Variants in EPS8 observed in about 807,000 individuals in gnomAD.
EPS8 encodes the protein EGFR pathway substrate 8, signaling adaptor.
Under a neutral mutation model 103.8 loss-of-function variants are expected in EPS8, and 42 were observed. That is an observed-to-expected ratio of 0.40 (90% CI 0.32 to 0.52). The LOEUF (loss-of-function observed/expected upper bound fraction) is 0.52. Among genes scored for constraint, EPS8 ranks in the 20% least tolerant of loss-of-function variants. EPS8 has a pLI of 0.40. For missense variants in EPS8, 969 were observed against 1,005.1 expected (o/e 0.96, Z 0.49); for synonymous variants, 344 against 344.6 (o/e 1.00, Z 0.02).
chr12:15,662,349 C>T, intron 8 of EPS8: 1 of 1,206,794 alleles, frequency 8.3e-7, no homozygotes, highest in Non-Finnish European at 1.0e-6. Context: ...GTAATATCAC[C>T]CCATTCTCTC....
Position 15,725,983 on chromosome 12 carries a change from A to G in EPS8, c.-21-43011T>C, listed in dbSNP as rs1946648625. Among the ~76,000 whole-genome samples the G allele has an allele frequency of 6.6e-6, 1 of 152,196 alleles. No homozygotes were observed. Among genetic ancestry groups the G allele is most frequent in the African/African-American group, 2.4e-5 (1 of 41,454 alleles). ...ATACACTGAACAGCATAAACACTGAACAAAACATAAATCTAATAAAAAATC... is the reference window on the plus strand; with the variant it reads ...ATACACTGAACAGCATAAACACTGAGCAAAACATAAATCTAATAAAAAATC... On this transcript the variant is annotated intron_variant, in intron 1 of 20. Coordinates refer to ENST00000281172, the MANE Select transcript of EPS8 (RefSeq NM_004447.6). The surrounding 1 kb of genome is among the most constrained non-coding windows in gnomAD (Gnocchi z 4.5).
chr12:15,629,151 T>C (rs1033320128), intron 18 of EPS8, among the ~76,000 whole-genome samples: 2 of 152,214 alleles, frequency 1.3e-5, no homozygotes, highest in African/African-American at 2.4e-5. Flanking sequence ...CTTTTACTTA[T>C]GAAAAACAGA....
chr12:15,736,625 CA>C lies in EPS8; in HGVS notation c.-22+52535del, dbSNP rs1435952493. On this transcript the variant is annotated intron_variant, in intron 1 of 20. Coordinates refer to ENST00000281172, the MANE Select transcript of EPS8 (RefSeq NM_004447.6). This position sits in a 1 kb window ranked among gnomAD's most constrained non-coding sequence, Gnocchi z 4.2. ...TGAAGTTAGTAAGCAAATCAATCCG[CA>C]GCAGGTTAGAAGCATTAAATTTGAA... Among the ~76,000 whole-genome samples the C allele has an allele frequency of 6.6e-6, 1 of 152,104 alleles. No individual in the cohort carries two copies. The highest frequency in any genetic ancestry group is 1.5e-5 in the Non-Finnish European group (1 of 68,030).
rs534300102 is a variant in EPS8, at chr12:15,690,336, C to A, written c.-21-7364G>T. ...ACAAGTAAAAACTTAATTGTTAAAC[C>A]ACATGGGACTCTTTAAAAAGCATAA... On this transcript the variant is annotated intron_variant, in intron 1 of 20. Coordinates refer to ENST00000281172, the MANE Select transcript of EPS8 (RefSeq NM_004447.6). This position sits in a 1 kb window ranked among gnomAD's most constrained non-coding sequence, Gnocchi z 4.7. Among the ~76,000 whole-genome samples, 3 of 152,178 alleles carry A rather than the reference C, an allele frequency of 2.0e-5. No homozygotes were observed. Among genetic ancestry groups the A allele is most frequent in the African/African-American group, 4.8e-5 (2 of 41,534 alleles).
intron 17 of EPS8, among the ~76,000 whole-genome samples, chr12:15,639,117 T>C (rs11831840): frequency 0.065 from 9,944 of 152,260 alleles, 1,110 homozygotes; most frequent in African/African-American, 0.23. Flanking sequence ...TGCCTTTTGC[T>C]CACATATGGG....
rs562981450 is a variant in EPS8, at chr12:15,652,906, T to C, written c.1250+1239A>G. ...CATTCAAAAGCATTAGGAAGACAAA[T>C]GTCTAAGTGGCCATACTAAGTGATT... On this transcript the variant is annotated intron_variant, in intron 13 of 20. Transcript: ENST00000281172. Among the ~76,000 whole-genome samples, 68 of 152,250 alleles carry C rather than the reference T, an allele frequency of 4.5e-4. No individual in the cohort carries two copies. In the South Asian group the frequency reaches 0.013, roughly 30 times the overall value.
intron 15 of EPS8, among the ~76,000 whole-genome samples, chr12:15,644,036 C>T (rs1425820961): frequency 1.3e-5 from 2 of 152,222 alleles, no homozygotes; most frequent in Admixed American, 1.3e-4. Flanking sequence ...TAAATATGTT[C>T]TGAGAAACCC....
rs1945332217 is a variant in EPS8, at chr12:15,647,126, C to G, written c.1568+1G>C. The G allele has an allele frequency of 6.2e-7, 1 of 1,612,336 alleles. No homozygotes were observed. Among genetic ancestry groups the G allele is most frequent in the Admixed American group, 1.7e-5 (1 of 59,738 alleles). ...TCCAAAGGGTGCCCATTAAATGTTA[C>G]CTATCTATATGGCGATTAGAAGTTG... On this transcript the variant is annotated splice_donor_variant, in intron 15 of 20. Coordinates refer to ENST00000281172, the MANE Select transcript of EPS8 (RefSeq NM_004447.6). LOFTEE classifies it high-confidence loss of function.
At chr12:15,773,701 T>C (rs1260472013) in intron 1 of EPS8, among the ~76,000 whole-genome samples, 2 of 152,124 alleles carry the variant, frequency 1.3e-5, no homozygotes, top group Admixed American at 6.5e-5. Context: ...CAGCAAATAA[T>C]CTCAGGACAA....
intron 1 of EPS8, among the ~76,000 whole-genome samples, chr12:15,744,396 T>C (rs1946854993): frequency 6.6e-6 from 1 of 152,202 alleles, no homozygotes. Flanking sequence ...GACACTGTTC[T>C]AGATCCAAGT....
intron 14 of EPS8, among the ~76,000 whole-genome samples, chr12:15,647,589 T>A (rs1309552833): frequency 6.6e-6 from 1 of 152,204 alleles, no homozygotes. Flanking sequence ...AATTTCAAAA[T>A]TATACACAGA....
In EPS8 at chr12:15,631,620, A is replaced by C; in HGVS notation, c.1866T>G (p.Pro622=). The C allele has an allele frequency of 1.2e-6, 2 of 1,614,026 alleles. No individual in the cohort carries two copies. Among genetic ancestry groups the C allele is most frequent in the Non-Finnish European group, 1.7e-6 (2 of 1,179,952 alleles). Residue 622 remains proline (P), a synonymous_variant, in exon 18 of 21, where the codon CCT becomes CCG. Coordinates refer to ENST00000281172, the MANE Select transcript of EPS8 (RefSeq NM_004447.6). ...EYGPRPADTP[P]APSPPPTPAP... ...CTGGTGTTGGAGGAGGTGATGGAGC[A>C]GGGGGAGTATCAGCTGGTCTTGGGC...
In EPS8 at chr12:15,669,310, T is replaced by C. The variant is rs4237958; in HGVS notation, c.516+77A>G. 0.97 allele frequency: 1,287,788 copies of C among 1,328,532 alleles called. 631,876 individuals are homozygous for C. Among genetic ancestry groups the C allele is most frequent in the Non-Finnish European group, 1 (962,935 of 965,314 alleles). 82.3% of individuals were successfully genotyped at this position (1,328,532 alleles called of 1,614,324 possible). On this transcript the variant is annotated intron_variant, in intron 6 of 20. Coordinates refer to ENST00000281172, the MANE Select transcript of EPS8 (RefSeq NM_004447.6). ...AAATCTAGTAACTAATATGCAGATA[T>C]ATTATCAAAATAGGTAATTCAAAAG...
At chr12:15,644,768 C>T (rs956699487) in intron 15 of EPS8, among the ~76,000 whole-genome samples, 2 of 151,798 alleles carry the variant, frequency 1.3e-5, no homozygotes, top group Non-Finnish European at 2.9e-5. Flanking sequence ...TACTGCATTC[C>T]TGGTATGTAA....
chr12:15,631,382 T>C, intron 18 of EPS8, 60 bp downstream of exon 18: 2 of 1,603,446 alleles, frequency 1.2e-6, no homozygotes, highest in Non-Finnish European at 1.7e-6. Flanking sequence ...GTAAACAATA[T>C]TTTACTTAGT....
intron 1 of EPS8, among the ~76,000 whole-genome samples, chr12:15,689,491 AGTTTT>A (rs940750601): frequency 1.3e-5 from 2 of 152,162 alleles, no homozygotes; most frequent in East Asian, 1.9e-4. Context: ...CTTTTTTAAA[AGTTTT>A]GTTTTGTTTT....
chr12:15,626,846 G>C (rs1944955654), intron 18 of EPS8, among the ~76,000 whole-genome samples: 1 of 151,986 alleles, frequency 6.6e-6, no homozygotes, highest in Admixed American at 6.6e-5. Context: ...TGTCTGGAAT[G>C]CTTTCCCCCG....
intron 3 of EPS8, among the ~76,000 whole-genome samples, chr12:15,673,151 G>A (rs1205565187): frequency 6.6e-6 from 1 of 152,126 alleles, no homozygotes; most frequent in Non-Finnish European, 1.5e-5. Context: ...GACATTAACC[G>A]ATCACTCTGA....
rs1947161381 is a variant in EPS8 at position 15,772,109 on chromosome 12, A to C, written c.-22+17052T>G. 6.6e-6 allele frequency among the ~76,000 whole-genome samples: 1 copy of C among 152,162 alleles called. No homozygotes were observed. Among genetic ancestry groups the C allele is most frequent in the African/African-American group, 2.4e-5 (1 of 41,440 alleles). On this transcript the variant is annotated intron_variant, in intron 1 of 20. Coordinates refer to ENST00000281172, the MANE Select transcript of EPS8 (RefSeq NM_004447.6). The surrounding 1 kb of genome is among the most constrained non-coding windows in gnomAD (Gnocchi z 5.0). Reference sequence around the variant, plus strand: ...GAGAGACGGAAGAGGAGAGTGCTCTATCAGCCATTTGCTGACTCAAAAAGA... The same window carrying C: ...GAGAGACGGAAGAGGAGAGTGCTCTCTCAGCCATTTGCTGACTCAAAAAGA...
Sources: gnomAD v4.1 joint callset for allele counts (sites outside exome capture counted in the v4.1 genomes callset) on GRCh38, gnomAD v4.1.1 for gene constraint, Gnocchi (gnomAD v3.1) non-coding constraint, MANE v1.5 for transcripts, NCBI Gene and HGNC (gene_info 2026-07-23, HGNC 2026-07-21) for gene names.